Variants in NETO1 observed in about 807,000 individuals in gnomAD.
NETO1 encodes neuropilin and tolloid like 1.
A neutral mutation model predicts 61.3 loss-of-function variants in NETO1; 26 were observed. That is an observed-to-expected ratio of 0.42 (90% CI 0.31 to 0.59). NETO1 has a LOEUF of 0.59. Ranked by LOEUF, NETO1 falls within the 20% of genes least tolerant of loss-of-function variation. NETO1 has a pLI of 0.12. For synonymous variants in NETO1, 225 were observed against 225.8 expected (o/e 1.00, Z 0.03); for missense variants, 531 against 662.8 (o/e 0.80, Z 2.18).
chr18:72,798,155 C>T (rs910134178), intron 4 of NETO1, among the ~76,000 whole-genome samples: 4 of 152,206 alleles, frequency 2.6e-5, no homozygotes, highest in Admixed American at 1.3e-4. Context: ...GGCAGGACAG[C>T]AAAGGAAGCA....
At chr18:72,843,786 C>T (rs533234254) in intron 4 of NETO1, among the ~76,000 whole-genome samples, 55 of 152,282 alleles carry the variant, frequency 3.6e-4, no homozygotes, top group Non-Finnish European at 5.9e-4. Context: ...CTACCTATCC[C>T]GCCAAAAAAC....
intron 7 of NETO1, among the ~76,000 whole-genome samples, chr18:72,781,938 T>C (rs147323032): frequency 6.6e-6 from 1 of 152,244 alleles, no homozygotes; most frequent in East Asian, 1.9e-4. Flanking sequence ...TACAAATTAT[T>C]TCATCACCCA....
chr18:72,809,648 A>G (rs1236043711), intron 4 of NETO1, among the ~76,000 whole-genome samples: 1 of 152,272 alleles, frequency 6.6e-6, no homozygotes, highest in East Asian at 1.9e-4. Context: ...AAATATGATT[A>G]CTGCTCTATA....
intron 7 of NETO1, among the ~76,000 whole-genome samples, chr18:72,775,459 T>G (rs919541513): frequency 6.6e-6 from 1 of 152,146 alleles, no homozygotes; most frequent in Non-Finnish European, 1.5e-5. Flanking sequence ...ATAGCATGTT[T>G]CAGAATAGAA....
chr18:72,821,318 G>A (rs1033189898), intron 4 of NETO1, among the ~76,000 whole-genome samples: 11 of 151,104 alleles, frequency 7.3e-5, no homozygotes, highest in Admixed American at 1.3e-4. Flanking sequence ...CGAGGTGGGC[G>A]GATCACCTGA....
chr18:72,787,385 A>G (rs1348516840), intron 6 of NETO1, among the ~76,000 whole-genome samples: 1 of 151,874 alleles, frequency 6.6e-6, no homozygotes, highest in Non-Finnish European at 1.5e-5. Context: ...AGTTATAAAA[A>G]CCAAGTACTA....
intron 4 of NETO1, among the ~76,000 whole-genome samples, chr18:72,813,904 T>C (rs2072947746): frequency 6.6e-6 from 1 of 151,810 alleles, no homozygotes; most frequent in Admixed American, 6.6e-5. Flanking sequence ...AAGAAAAAAA[T>C]CTATACACTA....
At chr18:72,803,821 CAAA>C (rs373041913) in intron 4 of NETO1, among the ~76,000 whole-genome samples, 4 of 122,458 alleles carry the variant, frequency 3.3e-5, no homozygotes, top group Admixed American at 8.3e-5. Context: ...AACTCCGTAC[CAAA>C]AAAAAAAAAA....
chr18:72,849,704 C>G (rs1373096026), intron 4 of NETO1, among the ~76,000 whole-genome samples: 1 of 152,118 alleles, frequency 6.6e-6, no homozygotes, highest in Non-Finnish European at 1.5e-5. Flanking sequence ...AACTTAGAAC[C>G]TTAATAAACA....
At chr18:72,858,750 C>A in intron 4 of NETO1, 76 bp downstream of exon 4, 1 of 1,371,608 alleles carries the variant, frequency 7.3e-7, no homozygotes, top group Non-Finnish European at 9.9e-7. Flanking sequence ...ATAATGTTGT[C>A]TTACACAAGA....
At chr18:72,792,417 T>A (rs1348329884) in intron 6 of NETO1, among the ~76,000 whole-genome samples, 2 of 151,980 alleles carry the variant, frequency 1.3e-5, no homozygotes, top group East Asian at 3.9e-4. Context: ...AGACTCTGTC[T>A]CAAAAACAAA....
rs182761845 is a variant in NETO1 at position 72,744,865 on chromosome 18, A to C, written c.*3314T>G. The C allele has an allele frequency of 6.6e-6, 1 of 152,204 alleles. No homozygotes were observed. Among genetic ancestry groups the C allele is most frequent in the Non-Finnish European group, 1.5e-5 (1 of 68,028 alleles). The allele number at this position is 152,204 out of a possible 1,614,324, so 9.4% of individuals were successfully genotyped here. A position where few individuals can be genotyped will look rare whatever the true frequency, so the allele number is the denominator to read the frequency against. ...TTATTATGATATTCTGAGGTTGAGGAAAACCCATTCATGGAATTTTTTTAA... is the reference window on the plus strand; with the variant it reads ...TTATTATGATATTCTGAGGTTGAGGCAAACCCATTCATGGAATTTTTTTAA... On this transcript the variant is annotated 3_prime_UTR_variant, in exon 11 of 11. Transcript: ENST00000327305.
intron 7 of NETO1, among the ~76,000 whole-genome samples, chr18:72,758,241 A>G (rs757744730): frequency 2.0e-5 from 3 of 152,136 alleles, no homozygotes; most frequent in Admixed American, 6.5e-5. Flanking sequence ...ACTACATATT[A>G]GTGGTTTTAC....
intron 9 of NETO1, among the ~76,000 whole-genome samples, chr18:72,749,545 T>C (rs114823923): frequency 6.6e-6 from 1 of 152,098 alleles, no homozygotes; most frequent in Non-Finnish European, 1.5e-5. Flanking sequence ...ATAAATATTA[T>C]GTAATATGTG....
At chr18:72,799,208 C>T (rs1448767123) in intron 4 of NETO1, among the ~76,000 whole-genome samples, 2 of 152,130 alleles carry the variant, frequency 1.3e-5, no homozygotes, top group Admixed American at 1.3e-4. Context: ...TTTCAGCTAG[C>T]ACCATAACTA....
At chr18:72,856,216 C>A (rs1339929795) in intron 4 of NETO1, among the ~76,000 whole-genome samples, 1 of 152,168 alleles carries the variant, frequency 6.6e-6, no homozygotes, top group Admixed American at 6.5e-5. Context: ...GACCACCAGG[C>A]CTTTCTGCTG....
chr18:72,787,447 A>C (rs1486983502), intron 6 of NETO1, among the ~76,000 whole-genome samples: 1 of 152,254 alleles, frequency 6.6e-6, no homozygotes, highest in East Asian at 1.9e-4. Flanking sequence ...TACAAAAAAA[A>C]GCTATTAGAC....
intron 4 of NETO1, among the ~76,000 whole-genome samples, chr18:72,851,031 ATAGAGGGATGGAGTGGGAGG>A (rs1371908534): frequency 6.6e-6 from 1 of 152,144 alleles, no homozygotes; most frequent in African/African-American, 2.4e-5. Context: ...GCAGCCCTGA[ATAGAGGGATGGAGTGGGAGG>A]TGAGCGAAAG....
At chr18:72,810,091 A>C (rs79386270) in intron 4 of NETO1, among the ~76,000 whole-genome samples, 1,919 of 152,338 alleles carry the variant, frequency 0.013, 43 homozygotes, top group East Asian at 0.065. Flanking sequence ...GGAAGTGTAC[A>C]ACTATCTGAG....
Sources: gnomAD v4.1 joint callset for allele counts (sites outside exome capture counted in the v4.1 genomes callset) on GRCh38, gnomAD v4.1.1 for gene constraint, MANE v1.5 for transcripts, NCBI Gene and HGNC (gene_info 2026-07-23, HGNC 2026-07-21) for gene names.